Variants in RBMS3 observed in about 807,000 individuals in gnomAD.
RBMS3 encodes RNA-binding motif, single-stranded-interacting protein 3.
RBMS3 carries 27 observed loss-of-function variants against 66.8 expected under a neutral mutation model. The observed-to-expected ratio is 0.40, with a 90% CI of 0.30 to 0.56. The LOEUF (loss-of-function observed/expected upper bound fraction) is 0.56, where lower values mean the gene tolerates loss of function less well. RBMS3 is among the 20% of genes least tolerant of loss of function. The pLI, the probability that RBMS3 is intolerant of heterozygous loss-of-function variation, is 0.40. For missense variants in RBMS3, 513 were observed against 549.5 expected (o/e 0.93, Z 0.66); for synonymous variants, 188 against 183.0 (o/e 1.03, Z -0.22).
chr3:29,444,788 CTTTT>C (rs558839351), intron 2 of RBMS3, among the ~76,000 whole-genome samples: 33 of 50,500 alleles, frequency 6.5e-4, no homozygotes, highest in African/African-American at 1.1e-3. Flanking sequence ...AAATATATGC[CTTTT>C]TTTTTTTTTT....
intron 1 of RBMS3, among the ~76,000 whole-genome samples, chr3:29,403,280 G>GA (rs904880716): frequency 5.0e-4 from 76 of 151,994 alleles, no homozygotes; most frequent in African/African-American, 1.8e-3. Context: ...AAGTCAAAAG[G>GA]AAAAAAACTG....
chr3:29,806,803 A>C (rs1002663122), intron 6 of RBMS3, among the ~76,000 whole-genome samples: 2 of 151,922 alleles, frequency 1.3e-5, no homozygotes, highest in Non-Finnish European at 2.9e-5. Flanking sequence ...CCTACTGAAT[A>C]TTATTCGTTG....
At chr3:29,324,407 T>A (rs1045890932) in intron 1 of RBMS3, among the ~76,000 whole-genome samples, 3 of 152,208 alleles carry the variant, frequency 2.0e-5, no homozygotes, top group Admixed American at 6.5e-5. Flanking sequence ...TGATTAACAT[T>A]TGCCTCAAGA....
chr3:29,950,639 A>C (rs1695621012), intron 12 of RBMS3, among the ~76,000 whole-genome samples: 1 of 151,842 alleles, frequency 6.6e-6, no homozygotes, highest in Admixed American at 6.6e-5. Flanking sequence ...TCTAGACCCT[A>C]TGTTAAATTA....
chr3:29,632,513 A>G (rs2049320861), intron 4 of RBMS3, among the ~76,000 whole-genome samples: 1 of 151,952 alleles, frequency 6.6e-6, no homozygotes, highest in East Asian at 1.9e-4. Flanking sequence ...GAGCTACTAA[A>G]TATTTGGGCA....
intron 8 of RBMS3, among the ~76,000 whole-genome samples, chr3:29,894,597 T>C (rs2060082828): frequency 6.6e-6 from 1 of 151,526 alleles, no homozygotes; most frequent in African/African-American, 2.4e-5. Flanking sequence ...CCCCAATTAC[T>C]TCCTTAGACA....
chr3:29,421,761 A>G (rs2040745711), intron 1 of RBMS3, among the ~76,000 whole-genome samples: 1 of 152,168 alleles, frequency 6.6e-6, no homozygotes, highest in Non-Finnish European at 1.5e-5. Flanking sequence ...AATAATACCA[A>G]CTAAACCTAA....
At chr3:29,549,819 A>G (rs1393050802) in intron 3 of RBMS3, among the ~76,000 whole-genome samples, 2 of 152,116 alleles carry the variant, frequency 1.3e-5, no homozygotes, top group Non-Finnish European at 2.9e-5. Context: ...TGGTTCTTGG[A>G]CTTAAGGCAG....
intron 4 of RBMS3, chr3:29,616,607 T>C (rs2048683344): frequency 6.6e-6 from 1 of 152,364 alleles, no homozygotes; most frequent in South Asian, 2.1e-4. Flanking sequence ...TTGTGCTTCT[T>C]TGTAGCCAAT....
chr3:29,586,091 A>G (rs1337382990), intron 3 of RBMS3, among the ~76,000 whole-genome samples: 1 of 152,108 alleles, frequency 6.6e-6, no homozygotes, highest in Non-Finnish European at 1.5e-5. Context: ...AAACTTCTAA[A>G]TGAGATAAGT....
intron 2 of RBMS3, among the ~76,000 whole-genome samples, chr3:29,436,537 A>G (rs2041411154): frequency 6.6e-6 from 1 of 152,246 alleles, no homozygotes; most frequent in Non-Finnish European, 1.5e-5. Flanking sequence ...AAATAACTCA[A>G]CTTTTTCTTT....
At chr3:29,838,595 T>C (rs533875501) in intron 6 of RBMS3, among the ~76,000 whole-genome samples, 2 of 152,292 alleles carry the variant, frequency 1.3e-5, no homozygotes, top group Non-Finnish European at 2.9e-5. Flanking sequence ...TTTTGATTTA[T>C]TTTATGCCAT....
At chr3:29,388,842 G>A (rs1471490925) in intron 1 of RBMS3, among the ~76,000 whole-genome samples, 1 of 152,170 alleles carries the variant, frequency 6.6e-6, no homozygotes, top group East Asian at 1.9e-4. Flanking sequence ...GGGATTACAG[G>A]CGTGAGTCAC....
intron 6 of RBMS3, among the ~76,000 whole-genome samples, chr3:29,855,220 C>T (rs959876298): frequency 2.0e-5 from 3 of 152,050 alleles, no homozygotes; most frequent in Non-Finnish European, 2.9e-5. Flanking sequence ...ATTGCTGGTC[C>T]GCTTTTACAA....
chr3:29,298,701 T>C (rs2033460880), intron 1 of RBMS3, among the ~76,000 whole-genome samples: 1 of 151,908 alleles, frequency 6.6e-6, no homozygotes, highest in Admixed American at 6.6e-5. Flanking sequence ...CACCCTTTTA[T>C]GTACGTTTGG....
intron 1 of RBMS3, among the ~76,000 whole-genome samples, chr3:29,331,815 C>CTTTTTT (rs11354452): frequency 1.3e-4 from 9 of 69,684 alleles, no homozygotes; most frequent in South Asian, 7.6e-4. Context: ...AGGATAGCTC[C>CTTTTTT]TTTTTTTTTT....
intron 4 of RBMS3, among the ~76,000 whole-genome samples, chr3:29,702,741 G>T (rs937148560): frequency 4.6e-5 from 7 of 152,144 alleles, no homozygotes; most frequent in African/African-American, 1.7e-4. Flanking sequence ...CACCGTGAAG[G>T]TCTGCAGTTT....
At chr3:29,842,551 C>A (rs2058686756) in intron 6 of RBMS3, among the ~76,000 whole-genome samples, 1 of 152,114 alleles carries the variant, frequency 6.6e-6, no homozygotes, top group South Asian at 2.1e-4. Flanking sequence ...AGTCTTCTGT[C>A]TTTTTGCCTT....
chr3:29,859,949 G>T (rs1275191797), intron 6 of RBMS3, among the ~76,000 whole-genome samples: 1 of 152,060 alleles, frequency 6.6e-6, no homozygotes, highest in African/African-American at 2.4e-5. Context: ...CATGCATAGG[G>T]CACATGTGGA....
Sources: allele counts gnomAD v4.1 joint callset (sites outside exome capture counted in the v4.1 genomes callset), GRCh38; gene constraint gnomAD v4.1.1; transcripts MANE v1.5; gene names NCBI Gene and HGNC (gene_info 2026-07-23, HGNC 2026-07-21).